RIMS2: variants seen among roughly 807,000 people sequenced by gnomAD.
The protein encoded by RIMS2 is regulating synaptic membrane exocytosis 2, also known as regulating synaptic membrane exocytosis protein 2.
A neutral mutation model predicts 174.4 loss-of-function variants in RIMS2; 59 were observed. The observed-to-expected ratio is 0.34, with a 90% CI of 0.27 to 0.42. RIMS2 has a LOEUF of 0.42. Ranked by LOEUF, RIMS2 falls within the 10% of genes least tolerant of loss-of-function variation. The probability of loss-of-function intolerance (pLI) is 1.00; values close to 1 mark genes in which losing one functional copy is unlikely to be tolerated. For synonymous variants in RIMS2, 606 were observed against 572.5 expected (o/e 1.06, Z -0.84); for missense variants, 1,620 against 1,666.3 (o/e 0.97, Z 0.48).
chr8:103,884,973 G>A (rs2099191074), intron 3 of RIMS2, among the ~76,000 whole-genome samples: 1 of 151,826 alleles, frequency 6.6e-6, no homozygotes, highest in South Asian at 2.1e-4. Context: ...AATAGTTGGT[G>A]GGTAGTGGAA....
intron 19 of RIMS2, among the ~76,000 whole-genome samples, chr8:104,229,137 G>A (rs186383804): frequency 6.6e-6 from 1 of 152,254 alleles, no homozygotes; most frequent in East Asian, 1.9e-4. Flanking sequence ...ACAGGAATTA[G>A]TTTCCCTGTA....
chr8:103,733,396 G>A (rs2097637175), intron 2 of RIMS2, among the ~76,000 whole-genome samples: 1 of 152,074 alleles, frequency 6.6e-6, no homozygotes. Flanking sequence ...AAGGGGTGGT[G>A]CAAGCACTCC....
intron 19 of RIMS2, among the ~76,000 whole-genome samples, chr8:104,136,438 T>G (rs1343514981): frequency 6.6e-6 from 1 of 152,208 alleles, no homozygotes; most frequent in African/African-American, 2.4e-5. Context: ...TTCACGTGGA[T>G]TGTGTATAGC....
intron 1 of RIMS2, among the ~76,000 whole-genome samples, chr8:103,696,791 A>T (rs1164405966): frequency 7.1e-6 from 1 of 140,730 alleles, no homozygotes; most frequent in Non-Finnish European, 1.5e-5. Flanking sequence ...AGACCCTGGG[A>T]GGCAGAGGTT....
chr8:103,965,085 C>T (rs756367802), intron 15 of RIMS2, among the ~76,000 whole-genome samples: 8 of 152,110 alleles, frequency 5.3e-5, no homozygotes, highest in Non-Finnish European at 1.2e-4. Context: ...ATTGAAAAGT[C>T]AGGGTCAATT....
rs2134054954 is a variant in RIMS2, at chr8:104,150,435, C to T, written c.3335-94481C>T. 1.3e-5 allele frequency among the ~76,000 whole-genome samples: 2 copies of T among 152,268 alleles called. 1 individual carries two copies. Among genetic ancestry groups the T allele is most frequent in the East Asian group, 3.9e-4 (2 of 5,184 alleles). ...ATACTTAAACAGATTGCTTCAAGGT[C>T]ATACGCCAGTGGTGAATCTAGAGTT... On this transcript the variant is annotated intron_variant, in intron 19 of 23. Coordinates refer to ENST00000504942, the Ensembl canonical transcript of RIMS2.
At chr8:103,964,214 TAA>T (rs1488954943) in intron 15 of RIMS2, among the ~76,000 whole-genome samples, 1 of 152,208 alleles carries the variant, frequency 6.6e-6, no homozygotes, top group Non-Finnish European at 1.5e-5. Flanking sequence ...GATCGTATGC[TAA>T]GAGTATAGTT....
At chr8:104,241,984 T>C (rs577600689) in intron 19 of RIMS2, among the ~76,000 whole-genome samples, 26 of 152,278 alleles carry the variant, frequency 1.7e-4, no homozygotes, top group South Asian at 1.7e-3. Context: ...GATCTCAAAC[T>C]CCTGGCCTCA....
At chr8:104,055,351 GATGTAT>G (rs2096851660) in intron 19 of RIMS2, among the ~76,000 whole-genome samples, 1 of 152,074 alleles carries the variant, frequency 6.6e-6, no homozygotes, top group South Asian at 2.1e-4. Flanking sequence ...TTGAGGATAA[GATGTAT>G]ATACAGGGTG....
At chr8:104,166,309 G>T (rs1382960099) in intron 19 of RIMS2, among the ~76,000 whole-genome samples, 3 of 151,376 alleles carry the variant, frequency 2.0e-5, no homozygotes, top group African/African-American at 4.8e-5. Context: ...CTCATGATCC[G>T]CCCGCCTCTG....
intron 1 of RIMS2, among the ~76,000 whole-genome samples, chr8:103,676,292 A>G (rs1440195164): frequency 6.6e-6 from 1 of 152,192 alleles, no homozygotes; most frequent in Non-Finnish European, 1.5e-5. Flanking sequence ...ATTTAGTTCA[A>G]TAGGTGGTCT....
At chr8:103,543,329 A>G (rs1003551172) in intron 1 of RIMS2, among the ~76,000 whole-genome samples, 3 of 152,220 alleles carry the variant, frequency 2.0e-5, no homozygotes, top group African/African-American at 7.2e-5. Context: ...AAGTACACGG[A>G]AAAGTATAAA....
chr8:104,103,497 C>A (rs2097952379), intron 19 of RIMS2, among the ~76,000 whole-genome samples: 2 of 152,086 alleles, frequency 1.3e-5, no homozygotes, highest in Non-Finnish European at 2.9e-5. Context: ...TGATAATATG[C>A]AAACAATATT....
Position 104,251,582 on chromosome 8 carries a change from A to C in RIMS2, c.3832-20A>C. ...TACACAGTTACACTGACATCACTCTACTTTTTATTTTGCCAACAGATCATC... is the reference window on the plus strand; with the variant it reads ...TACACAGTTACACTGACATCACTCTCCTTTTTATTTTGCCAACAGATCATC... On this transcript the variant is annotated intron_variant, in intron 23 of 23. Coordinates refer to ENST00000504942, the Ensembl canonical transcript of RIMS2. 1 of 1,339,820 alleles carries C rather than the reference A, an allele frequency of 7.5e-7. No homozygotes were observed. The highest frequency in any genetic ancestry group is 1.1e-6 in the Non-Finnish European group (1 of 929,758). 83.0% of individuals were successfully genotyped at this position (1,339,820 alleles called of 1,614,324 possible).
At chr8:103,686,060 T>G (rs2096936823) in intron 1 of RIMS2, among the ~76,000 whole-genome samples, 1 of 152,156 alleles carries the variant, frequency 6.6e-6, no homozygotes, top group African/African-American at 2.4e-5. Flanking sequence ...GAGTTATACC[T>G]GAATCTTTTT....
intron 3 of RIMS2, among the ~76,000 whole-genome samples, chr8:103,869,717 G>A (rs1228172939): frequency 6.6e-6 from 1 of 152,174 alleles, no homozygotes; most frequent in African/African-American, 2.4e-5. Flanking sequence ...AAGGAGTTAA[G>A]GGGCACTTAT....
chr8:103,568,450 C>T (rs1490784414), intron 1 of RIMS2, among the ~76,000 whole-genome samples: 1 of 152,154 alleles, frequency 6.6e-6, no homozygotes, highest in African/African-American at 2.4e-5. Context: ...TTTAATGTTT[C>T]TGTAACTGTT....
intron 3 of RIMS2, among the ~76,000 whole-genome samples, chr8:103,835,523 T>C (rs566171334): frequency 1.3e-5 from 2 of 152,340 alleles, no homozygotes; most frequent in East Asian, 3.9e-4. Context: ...TCCAGTATCT[T>C]TTGTCTTTTT....
intron 4 of RIMS2, chr8:103,910,086 C>A: frequency 1.7e-6 from 2 of 1,204,820 alleles, no homozygotes; most frequent in South Asian, 2.6e-5. Context: ...CTGTCTGTCC[C>A]TTTTTTCACC....
Sources: gnomAD v4.1 joint callset for allele counts (sites outside exome capture counted in the v4.1 genomes callset) on GRCh38, gnomAD v4.1.1 for gene constraint, MANE v1.5 for transcripts, NCBI Gene and HGNC (gene_info 2026-07-23, HGNC 2026-07-21) for gene names.